Variants in PLK1 observed in about 807,000 individuals in gnomAD.
PLK1 encodes serine/threonine-protein kinase PLK1.
In PLK1, 6 loss-of-function variants were observed where a neutral mutation model predicts 56.7. The observed-to-expected ratio is 0.11, with a 90% confidence interval of 0.06 to 0.21. The LOEUF (loss-of-function observed/expected upper bound fraction) is 0.21, where lower values mean the gene tolerates loss of function less well. Ranked by LOEUF, PLK1 falls within the 10% of genes least tolerant of loss-of-function variation. The pLI is 1.00. For synonymous variants in PLK1, 298 were observed against 325.0 expected (o/e 0.92, Z 0.89); for missense variants, 546 against 814.4 (o/e 0.67, Z 4.01).
chr16:23,680,392 T>C (rs1194960871), intron 2 of PLK1, 140 bp downstream of exon 2: 3 of 639,696 alleles, frequency 4.7e-6, no homozygotes, highest in East Asian at 2.7e-5. Context: ...CCCAATGCAA[T>C]ATTTTTTTTT....
At chr16:23,681,175 A>G in intron 3 of PLK1, 117 bp downstream of exon 3, 1 of 868,006 alleles carries the variant, frequency 1.2e-6, no homozygotes, top group East Asian at 2.5e-5. Flanking sequence ...AGCCTACTCC[A>G]AGGGACAAGT....
At chr16:23,681,596 T>C (rs766130986) in intron 3 of PLK1, among the ~76,000 whole-genome samples, 2 of 152,224 alleles carry the variant, frequency 1.3e-5, no homozygotes, top group Non-Finnish European at 2.9e-5. Flanking sequence ...TCAGGTGTTA[T>C]CTTTCTTGTT....
intron 4 of PLK1, among the ~76,000 whole-genome samples, chr16:23,683,272 G>A (rs150966141): frequency 5.5e-4 from 84 of 152,154 alleles, no homozygotes; most frequent in African/African-American, 3.6e-4. Flanking sequence ...GATTACAGGC[G>A]TGAGCCACCG....
rs749048434 is a variant in PLK1, at chr16:23,689,297, C to T, written c.1330C>T (p.Leu444Phe). The T allele has an allele frequency of 6.2e-7, 1 of 1,613,836 alleles. No homozygotes were observed. Among genetic ancestry groups the T allele is most frequent in the Non-Finnish European group, 8.5e-7 (1 of 1,179,750 alleles). ...VLFNDSTRLI[L>F]YNDGDSLQYI... The stretch of plus-strand genomic sequence containing the variant: ...CTTCAATGACTCAACACGCCTCATC[C>T]TCTACAATGATGGTGACAGCCTGCA... Residue 444 changes from leucine to phenylalanine, a missense_variant, in exon 8 of 10, where the codon CTC (leucine) becomes TTC (phenylalanine). Transcript: ENST00000300093. This position sits in a 1 kb window ranked among gnomAD's most constrained non-coding sequence, Gnocchi z 4.8.
In PLK1 at chr16:23,690,277, AC is replaced by A; in HGVS notation, c.*218del. 1.7e-6 allele frequency: 1 copy of A among 595,134 alleles called. No individual in the cohort carries two copies. Among genetic ancestry groups the A allele is most frequent in the Non-Finnish European group, 3.0e-6 (1 of 331,890 alleles). The allele number at this position is 595,134 out of a possible 1,614,324, so 36.9% of individuals were successfully genotyped here. On this transcript the variant is annotated 3_prime_UTR_variant, in exon 10 of 10. Transcript: ENST00000300093. Reference sequence around the variant, plus strand: ...TACAGCCTTGTCCCCCTCCCCCTCAACCCCACCATATGAATTGTACAGAATA... The same window carrying A: ...TACAGCCTTGTCCCCCTCCCCCTCAACCCACCATATGAATTGTACAGAATA...
chr16:23,683,561 C>G (rs1959374956), intron 4 of PLK1, among the ~76,000 whole-genome samples: 2 of 152,172 alleles, frequency 1.3e-5, no homozygotes, highest in African/African-American at 4.8e-5. Context: ...AGATCCCCAC[C>G]CCTTAGATGA....
chr16:23,683,282 G>C (rs912726383), intron 4 of PLK1, among the ~76,000 whole-genome samples: 1 of 152,052 alleles, frequency 6.6e-6, no homozygotes, highest in Admixed American at 6.5e-5. Flanking sequence ...GTGAGCCACC[G>C]CGCCCGGCCA....
At chr16:23,682,985 C>CTTTTTTTTT (rs1031796646) in intron 4 of PLK1, among the ~76,000 whole-genome samples, 11 of 91,496 alleles carry the variant, frequency 1.2e-4, no homozygotes, top group Non-Finnish European at 1.7e-4. Flanking sequence ...TGTGCATTTT[C>CTTTTTTTTT]TTTTTTTTTT....
rs781206209 is a variant in PLK1 at position 23,689,467 on chromosome 16, G to A, written c.1426-27G>A. 1.2e-5 allele frequency: 20 copies of A among 1,600,052 alleles called. No homozygotes were observed. The highest frequency in any genetic ancestry group is 1.7e-5 in the Admixed American group (1 of 59,772). On this transcript the variant is annotated intron_variant, in intron 8 of 9. Coordinates refer to ENST00000300093, the MANE Select transcript of PLK1 (RefSeq NM_005030.6). This position sits in a 1 kb window ranked among gnomAD's most constrained non-coding sequence, Gnocchi z 4.8. Reference sequence around the variant, plus strand: ...TGCTGGAGGATCAGACTCTAATTCTGGAACCCCTTACCTACTTTTCATCCA... The same window carrying A: ...TGCTGGAGGATCAGACTCTAATTCTAGAACCCCTTACCTACTTTTCATCCA...
chr16:23,682,146 A>G lies in PLK1; in HGVS notation c.805A>G (p.Ser269Gly), dbSNP rs1207220606. ...CCTCCGGATCAAGAAGAATGAATAC[A>G]GTATTCCCAAGGTGACTAATGATGC... ...TYLRIKKNEY[S>G]IPKHINPVAA... Residue 269 changes from serine to glycine, a missense_variant, in exon 4 of 10, where the codon AGT becomes GGT. Ser to Gly is a moderately conservative substitution (Grantham distance 56, BLOSUM62 0). Transcript: ENST00000300093. The G allele has an allele frequency of 6.5e-7, 1 of 1,534,454 alleles. No individual in the cohort carries two copies.
In PLK1 at chr16:23,680,225, C is replaced by A. The variant is rs1044876624; in HGVS notation, c.550C>A (p.Leu184Met). The stretch of plus-strand genomic sequence containing the variant: ...AGACCTCAAGCTGGGCAACCTTTTC[C>A]TGAATGAAGATCTGGAGGTGAAAAT... The part of the protein sequence containing the change: ...HRDLKLGNLF[L>M]NEDLEVKIGD... The change falls in exon 2 of 10, where the codon CTG (leucine) becomes ATG (methionine). Residue 184 changes from leucine to methionine, a missense_variant. Leu to Met is a conservative substitution (Grantham distance 15). Coordinates refer to ENST00000300093, the MANE Select transcript of PLK1 (RefSeq NM_005030.6). 6.2e-7 allele frequency: 1 copy of A among 1,613,944 alleles called. No individual in the cohort carries two copies. Among genetic ancestry groups the A allele is most frequent in the African/African-American group, 1.3e-5 (1 of 74,890 alleles).
rs1459456476 is a variant in PLK1, at chr16:23,689,419, T to G, written c.1425+27T>G. 6.2e-7 allele frequency: 1 copy of G among 1,600,836 alleles called. No homozygotes were observed. The highest frequency in any genetic ancestry group is 8.6e-7 in the Non-Finnish European group (1 of 1,169,080). On this transcript the variant is annotated intron_variant, in intron 8 of 9. Coordinates refer to ENST00000300093, the MANE Select transcript of PLK1 (RefSeq NM_005030.6). This position sits in a 1 kb window ranked among gnomAD's most constrained non-coding sequence, Gnocchi z 4.8. ...TGAGTGCCGTCCGGCCCATGGGGGG[T>G]GGTGTTGCAGAAGTGGGACCTGTGC...
In PLK1 at chr16:23,684,031, G is replaced by A. The variant is rs80017192; in HGVS notation, c.978G>A (p.Ser326=). ...ITCLTIPPRF[S]IAPSSLDPSN... ...GCCTGACCATTCCACCAAGGTTTTC[G>A]ATTGCTCCCAGCAGCCTGGACCCCA... The change falls in exon 5 of 10, where the codon TCG becomes TCA. Residue 326 remains serine (S), a synonymous_variant. Transcript: ENST00000300093. 26 of 1,614,068 alleles carry A rather than the reference G, an allele frequency of 1.6e-5. No individual in the cohort carries two copies. The South Asian group carries it at 2.0e-4, about 12-fold the overall frequency.
intron 6 of PLK1, 154 bp downstream of exon 6, chr16:23,687,778 T>C (rs973225255): frequency 2.1e-6 from 1 of 468,590 alleles, no homozygotes. Flanking sequence ...AGGCCCTGCT[T>C]CCGTGGCTCC....
chr16:23,678,994 G>T lies in PLK1; in HGVS notation c.62G>T (p.Gly21Val), dbSNP rs765005937. The T allele has an allele frequency of 3.7e-6, 6 of 1,602,764 alleles. No homozygotes were observed. The highest frequency in any genetic ancestry group is 3.4e-6 in the Non-Finnish European group (4 of 1,175,288). ...GCACCGGCCGACCCTGGGAAAGCCG[G>T]GGTCCCCGGAGTTGCAGCTCCCGGA... ...ARAPADPGKA[G>V]VPGVAAPGAP... The change falls in exon 1 of 10, where the codon GGG becomes GTG. Residue 21 changes from glycine (G) to valine (V), a missense_variant. Physicochemically the swap from Gly to Val is moderately radical, Grantham distance 109. Coordinates refer to ENST00000300093, the MANE Select transcript of PLK1 (RefSeq NM_005030.6).
intron 2 of PLK1, among the ~76,000 whole-genome samples, chr16:23,680,591 C>T (rs190946631): frequency 6.6e-6 from 1 of 152,306 alleles, no homozygotes; most frequent in East Asian, 1.9e-4. Flanking sequence ...GTCTCTACTC[C>T]TCCCTATTCT....
In PLK1 at chr16:23,687,621, C is replaced by T. The variant is rs1447076591; in HGVS notation, c.1189C>T (p.Gln397Ter). ...SKPSERGLVR[Q>*]EEAEDPACIP... ...GCCCTCGGAGCGTGGGCTGGTCAGGCAAGGTGGGTACTGCGGGGCCCTGGG... is the reference window on the plus strand; with the variant it reads ...GCCCTCGGAGCGTGGGCTGGTCAGGTAAGGTGGGTACTGCGGGGCCCTGGG... The change falls in exon 6 of 10, where the codon CAA (glutamine) becomes TAA (stop). Residue 397 changes from glutamine to a stop codon, truncating the protein, a stop_gained. Transcript: ENST00000300093. LOFTEE classifies it high-confidence loss of function. 1 of 1,570,844 alleles carries T rather than the reference C, an allele frequency of 6.4e-7. No individual in the cohort carries two copies.
chr16:23,681,985 G>T, intron 3 of PLK1, 79 bp from the exon 4 acceptor site: 1 of 813,934 alleles, frequency 1.2e-6, no homozygotes, highest in Non-Finnish European at 2.2e-6. Flanking sequence ...CCTGACCTTT[G>T]TTCTGACCCT....
chr16:23,680,833 G>T (rs956270864), intron 2 of PLK1, 81 bp from the exon 3 acceptor site: 1 of 1,412,832 alleles, frequency 7.1e-7, no homozygotes, highest in African/African-American at 1.4e-5. Flanking sequence ...GTTCTGGATG[G>T]TCAAACCTTA....
Sources: gnomAD v4.1 joint callset for allele counts (sites outside exome capture counted in the v4.1 genomes callset) on GRCh38, gnomAD v4.1.1 for gene constraint, Gnocchi (gnomAD v3.1) non-coding constraint, MANE v1.5 for transcripts, NCBI Gene and HGNC (gene_info 2026-07-23, HGNC 2026-07-21) for gene names.